Variants in TMEM235 observed in about 807,000 individuals in gnomAD.
TMEM235 encodes claudin-27.
In TMEM235, 23 loss-of-function variants were observed where a neutral mutation model predicts 22.9. The ratio of observed to expected loss-of-function variants is 1.00; its 90% CI spans 0.72 to 1.42. The LOEUF is 1.42. Among genes scored for constraint, TMEM235 ranks in the 40% most tolerant of loss-of-function variants. The pLI is 0.00. For missense variants in TMEM235, 308 were observed against 299.5 expected, an observed-to-expected ratio of 1.03 and a Z score of -0.21; for synonymous variants, 137 against 140.5, an observed-to-expected ratio of 0.98 and a Z score of 0.17.
chr17:78,231,319 G>T, upstream of TMEM235: 3 of 1,080,760 alleles, frequency 2.8e-6, no homozygotes, highest in Non-Finnish European at 3.6e-6. Flanking sequence ...TGTCCTAGAA[G>T]GTTCTTTCTG....
Position 78,237,184 on chromosome 17 carries a change from G to T in TMEM235, c.410-1840G>T, listed in dbSNP as rs2076653815. On this transcript the variant is annotated intron_variant, in intron 4 of 5. Coordinates refer to ENST00000421688, the Ensembl canonical transcript of TMEM235. The surrounding 1 kb of genome is among the most constrained non-coding windows in gnomAD (Gnocchi z 4.7). ...ATCCTAGTATGAGGGTCAGCTGTGG[G>T]CCGAAGCACAGAGGGCTCTCAGGAT... Among the ~76,000 whole-genome samples the T allele has an allele frequency of 6.6e-6, 1 of 152,148 alleles. No individual in the cohort carries two copies. The highest frequency in any genetic ancestry group is 2.4e-5 in the African/African-American group (1 of 41,434).
Position 78,239,359 on chromosome 17 carries a change from CTG to C in TMEM235, c.659+87_659+88del, listed in dbSNP as rs895568918. Reference sequence around the variant, plus strand: ...CCTTGAGAGTCTGGGAATCCCTTCTCTGGGCCTCGCTGGGGTCCTGGCCAGGA... The same window carrying C: ...CCTTGAGAGTCTGGGAATCCCTTCTCGGCCTCGCTGGGGTCCTGGCCAGGA... On this transcript the variant is annotated intron_variant, in intron 5 of 5. Coordinates refer to ENST00000421688, the Ensembl canonical transcript of TMEM235. 138 of 1,421,382 alleles carry C rather than the reference CTG, an allele frequency of 9.7e-5. No homozygotes were observed. In the African/African-American group the frequency reaches 1.8e-3, roughly 18 times the overall value. The allele number at this position is 1,421,382 out of a possible 1,614,324, so 88.0% of individuals were successfully genotyped here.
Position 78,232,869 on chromosome 17 carries a change from A to T in TMEM235, c.190+656A>T, listed in dbSNP as rs116170620. ...ATGTGTGCATGTGCTGAACATGAACATGTGTGAGCACCTGGCTGTGTATGT... is the reference window on the plus strand; with the variant it reads ...ATGTGTGCATGTGCTGAACATGAACTTGTGTGAGCACCTGGCTGTGTATGT... On this transcript the variant is annotated intron_variant, in intron 2 of 5. Coordinates refer to ENST00000421688, the Ensembl canonical transcript of TMEM235. Among the ~76,000 whole-genome samples, 748 of 152,274 alleles carry T rather than the reference A, an allele frequency of 4.9e-3. 5 individuals are homozygous for T. The highest frequency in any genetic ancestry group is 0.017 in the African/African-American group (689 of 41,556).
At chr17:78,236,161 A>G (rs1378129472) in intron 4 of TMEM235, among the ~76,000 whole-genome samples, 1 of 152,148 alleles carries the variant, frequency 6.6e-6, no homozygotes, top group East Asian at 1.9e-4. Flanking sequence ...ACCGGGGTCC[A>G]AGCTTCTTGG....
At chr17:78,239,355 T>G in intron 5 of TMEM235, 82 bp downstream of exon 4, 1 of 1,439,958 alleles carries the variant, frequency 6.9e-7, no homozygotes, top group African/African-American at 1.4e-5. Context: ...TGGGAATCCC[T>G]TCTCTGGGCC....
rs749146101 is a variant in TMEM235, at chr17:78,233,877, G to A, written c.191-18G>A. The A allele has an allele frequency of 3.1e-5, 48 of 1,535,644 alleles. 1 individual carries two copies. The African/African-American group carries it at 3.1e-4, about 10-fold the overall frequency. Reference sequence around the variant, plus strand: ...CCACAGCGTCCAGGCCCCAGGCTTCGAGGCCTATGTTTCCCAGGGCAGAAC... The same window carrying A: ...CCACAGCGTCCAGGCCCCAGGCTTCAAGGCCTATGTTTCCCAGGGCAGAAC... On this transcript the variant is annotated intron_variant, in intron 2 of 5. Transcript: ENST00000421688.
At chr17:78,239,529 A>G (rs1308362492) in intron 5 of TMEM235, among the ~76,000 whole-genome samples, 1 of 152,088 alleles carries the variant, frequency 6.6e-6, no homozygotes, top group East Asian at 1.9e-4. Flanking sequence ...AGATGAGAAG[A>G]GCCAGTCCAG....
chr17:78,236,317 G>A (rs1264420997), intron 4 of TMEM235, among the ~76,000 whole-genome samples: 1 of 152,222 alleles, frequency 6.6e-6, no homozygotes, highest in Non-Finnish European at 1.5e-5. Context: ...CCGGGGTTTG[G>A]CACAGATGAG....
In TMEM235 at chr17:78,238,014, A is replaced by G. The variant is rs1016917712; in HGVS notation, c.410-1010A>G. ...GCCTTCTTTTGGCTGGGCAGTGCCC[A>G]GAGGGGACCCTGTGCACCCAGGAAG... is the stretch of plus-strand genomic sequence containing the variant. On this transcript the variant is annotated intron_variant, in intron 4 of 5. Transcript: ENST00000421688. This position sits in a 1 kb window ranked among gnomAD's most constrained non-coding sequence, Gnocchi z 4.3. Among the ~76,000 whole-genome samples, 3 of 152,128 alleles carry G rather than the reference A, an allele frequency of 2.0e-5. No homozygotes were observed. The highest frequency in any genetic ancestry group is 4.4e-5 in the Non-Finnish European group (3 of 68,026).
chr17:78,235,530 A>C (rs1160274408), intron 4 of TMEM235, among the ~76,000 whole-genome samples: 3 of 148,502 alleles, frequency 2.0e-5, no homozygotes, highest in Non-Finnish European at 4.5e-5. Flanking sequence ...CAGGTAATCC[A>C]CCTGCCTCAG....
intron 2 of TMEM235, among the ~76,000 whole-genome samples, chr17:78,232,815 TGTGA>T (rs1326874764): frequency 6.6e-6 from 1 of 152,162 alleles, no homozygotes; most frequent in Non-Finnish European, 1.5e-5. Flanking sequence ...GGGGTGTGTG[TGTGA>T]GTGAGCATGT....
intron 4 of TMEM235, among the ~76,000 whole-genome samples, chr17:78,236,072 G>A (rs542398757): frequency 1.3e-5 from 2 of 152,204 alleles, no homozygotes; most frequent in Admixed American, 6.5e-5. Context: ...CATGCGATTC[G>A]GGCCGGGACA....
At chr17:78,239,103 C>A (rs761088119) in exon 5 of TMEM235, 2 of 1,544,112 alleles carry the variant, frequency 1.3e-6, no homozygotes, top group South Asian at 2.4e-5. Context: ...AGCAGTATGG[C>A]CCGCAGCACA....
chr17:78,236,470 C>T (rs560846757), intron 4 of TMEM235, among the ~76,000 whole-genome samples: 16 of 152,356 alleles, frequency 1.1e-4, no homozygotes, highest in Non-Finnish European at 2.2e-4. Flanking sequence ...TGGCCAAGTG[C>T]TCCTCCGAAG....
chr17:78,239,562 G>T (rs2076685995), intron 5 of TMEM235, among the ~76,000 whole-genome samples: 1 of 152,174 alleles, frequency 6.6e-6, no homozygotes, highest in South Asian at 2.1e-4. Context: ...AGTGGCCCAG[G>T]TGACACAGGC....
exon 4 of TMEM235, chr17:78,234,677 T>G (rs2076623685): frequency 2.0e-6 from 3 of 1,536,070 alleles, no homozygotes; most frequent in Admixed American, 2.0e-5. Flanking sequence ...CTCAGCTCCC[T>G]GGCCCAGAGC....
chr17:78,239,105 C>CG lies in TMEM235; in HGVS notation c.492dup (p.Gln165AlafsTer121). On this transcript the variant is annotated frameshift_variant, in exon 5 of 6. Transcript: ENST00000421688. LOFTEE classifies it high-confidence loss of function. The stretch of plus-strand genomic sequence containing the variant: ...GCGGAGACGGTGCAGCAGTATGGCC[C>CG]GCAGCACATGCAGGGCGTCCGCGTC... 6.5e-7 allele frequency: 1 copy of CG among 1,544,094 alleles called. No homozygotes were observed. The highest frequency in any genetic ancestry group is 8.7e-7 in the Non-Finnish European group (1 of 1,146,950).
rs577025228 is a variant in TMEM235 at position 78,231,320 on chromosome 17, GTTCT to G, written c.-609_-606del. ...TGGCACCCCACGCCTGTCCTAGAAGGTTCTTTCTGCCTGTTTTCTCCGTGAGTGA... is the reference window on the plus strand; with the variant it reads ...TGGCACCCCACGCCTGTCCTAGAAGGTTCTGCCTGTTTTCTCCGTGAGTGA... On this transcript the variant is annotated 5_prime_UTR_variant, in exon 1 of 6. Transcript: ENST00000421688. 1.3e-4 allele frequency: 141 copies of G among 1,093,522 alleles called. No homozygotes were observed. The African/African-American group carries it at 2.1e-3, about 16-fold the overall frequency. The allele number at this position is 1,093,522 out of a possible 1,614,324, so 67.7% of individuals were successfully genotyped here.
chr17:78,231,361 G>C, intron 1 of TMEM235: 1 of 1,226,884 alleles, frequency 8.2e-7, no homozygotes, highest in Non-Finnish European at 1.1e-6. Context: ...TGGACAGGCA[G>C]AGGCCGGCCT....
Sources: gnomAD v4.1 joint callset for allele counts (sites outside exome capture counted in the v4.1 genomes callset) on GRCh38, gnomAD v4.1.1 for gene constraint, Gnocchi (gnomAD v3.1) non-coding constraint, MANE v1.5 for transcripts, NCBI Gene and HGNC (gene_info 2026-07-23, HGNC 2026-07-21) for gene names.